BLTP1: variants seen among roughly 807,000 people sequenced by gnomAD.
The protein encoded by BLTP1 is fragile site-associated protein.
the BLTP1 span, chr4:122,226,904 T>G: frequency 8.1e-7 from 1 of 1,240,408 alleles, no homozygotes; most frequent in Non-Finnish European, 1.1e-6. Context: ...TATTGAGATA[T>G]CAGCTTCAAG....
the BLTP1 span, among the ~76,000 whole-genome samples, chr4:122,205,064 C>G: frequency 1.3e-5 from 2 of 151,722 alleles, no homozygotes; most frequent in Non-Finnish European, 1.5e-5. Flanking sequence ...ACAAGAGTTT[C>G]TAATACATTT....
the BLTP1 span, chr4:122,314,143 A>T: frequency 3.0e-6 from 3 of 984,936 alleles, no homozygotes; most frequent in Non-Finnish European, 3.6e-6. Context: ...ACAAGCACTC[A>T]AAGGACAGGA....
At chr4:122,351,024 C>CA in the BLTP1 span, among the ~76,000 whole-genome samples, 5 of 152,152 alleles carry the variant, frequency 3.3e-5, no homozygotes, top group Non-Finnish European at 7.4e-5. Context: ...GTGTGAAGAA[C>CA]AGACTATAGG....
the BLTP1 span, among the ~76,000 whole-genome samples, chr4:122,220,068 C>T: frequency 6.6e-6 from 1 of 152,040 alleles, no homozygotes; most frequent in Non-Finnish European, 1.5e-5. Flanking sequence ...TTAAATTGCC[C>T]CAAGAACCCA....
the BLTP1 span, chr4:122,187,105 A>G: frequency 1.0e-6 from 1 of 984,210 alleles, no homozygotes. Context: ...AAAATGTCGT[A>G]TAGTAACATA....
chr4:122,325,235 G>A, the BLTP1 span: 29 of 1,600,952 alleles, frequency 1.8e-5, no homozygotes, highest in Admixed American at 2.0e-4. Context: ...TGCAGTTCTC[G>A]AGTAGGAGAA....
chr4:122,187,003 A>G, the BLTP1 span: 47 of 984,952 alleles, frequency 4.8e-5, no homozygotes, highest in Admixed American at 2.6e-3. Flanking sequence ...GAGCAACTGG[A>G]TTGTTTTCAG....
the BLTP1 span, chr4:122,263,141 A>G: frequency 3.1e-6 from 3 of 962,052 alleles, no homozygotes; most frequent in South Asian, 1.4e-4. Context: ...TTCTGTTTGT[A>G]ACTTTTCGGA....
At chr4:122,167,630 C>G in the BLTP1 span, 22 of 984,394 alleles carry the variant, frequency 2.2e-5, no homozygotes, top group Admixed American at 6.1e-5. Flanking sequence ...CCTAACTTCT[C>G]CCCTACAAGT....
chr4:122,174,932 C>A, the BLTP1 span: 1 of 539,924 alleles, frequency 1.9e-6, no homozygotes, highest in Non-Finnish European at 2.4e-6. Flanking sequence ...TTTTATATCA[C>A]AGAGTTCATA....
the BLTP1 span, among the ~76,000 whole-genome samples, chr4:122,205,318 A>T: frequency 1.3e-5 from 2 of 151,854 alleles, no homozygotes; most frequent in African/African-American, 4.8e-5. Flanking sequence ...CAAACTTTAC[A>T]TAAATCGTCT....
chr4:122,243,327 G>A, the BLTP1 span: 1 of 811,186 alleles, frequency 1.2e-6, no homozygotes, highest in Non-Finnish European at 1.5e-6. Flanking sequence ...TCATAATTTG[G>A]CAAAGGTACA....
chr4:122,258,083 A>G, the BLTP1 span, among the ~76,000 whole-genome samples: 1 of 152,196 alleles, frequency 6.6e-6, no homozygotes, highest in Non-Finnish European at 1.5e-5. Flanking sequence ...TGTCAACAAA[A>G]TGGCTGTGTC....
the BLTP1 span, among the ~76,000 whole-genome samples, chr4:122,163,357 A>C: frequency 6.6e-6 from 1 of 152,216 alleles, no homozygotes; most frequent in Non-Finnish European, 1.5e-5. Context: ...ACCAAGAGCA[A>C]GGACAATTTG....
chr4:122,305,831 A>C, the BLTP1 span: 2 of 1,485,868 alleles, frequency 1.3e-6, no homozygotes, highest in South Asian at 1.3e-5. Flanking sequence ...TCATATTAAA[A>C]CTTTTTCCAT....
the BLTP1 span, chr4:122,355,772 C>T: frequency 3.9e-6 from 6 of 1,556,018 alleles, no homozygotes; most frequent in African/African-American, 2.7e-5. Flanking sequence ...TAATTTGACT[C>T]TCTCTTTATC....
the BLTP1 span, chr4:122,254,483 C>T: frequency 7.6e-7 from 1 of 1,310,908 alleles, no homozygotes; most frequent in Non-Finnish European, 1.0e-6. Flanking sequence ...ATCATTCTTA[C>T]TTCATATGTT....
chr4:122,258,868 G>C, the BLTP1 span: 23 of 1,481,900 alleles, frequency 1.6e-5, no homozygotes, highest in East Asian at 5.3e-4. Context: ...TTTTTGGTTA[G>C]AGTTATCCAG....
At chr4:122,179,982 G>A in the BLTP1 span, 2 of 982,402 alleles carry the variant, frequency 2.0e-6, no homozygotes, top group East Asian at 1.2e-4. Flanking sequence ...CAAAAGACAG[G>A]CACTTCTTCC....
Sources: allele counts gnomAD v4.1 joint callset (sites outside exome capture counted in the v4.1 genomes callset), GRCh38; gene constraint gnomAD v4.1.1; transcripts MANE v1.5; gene names NCBI Gene and HGNC (gene_info 2026-07-23, HGNC 2026-07-21).